The following INPP4B variants were observed in gnomAD, a reference collection of about 807,000 sequenced individuals.
INPP4B encodes inositol polyphosphate-4-phosphatase type II B.
INPP4B carries 55 observed loss-of-function variants against 122.5 expected under a neutral mutation model. The observed-to-expected ratio is 0.45, with a 90% CI of 0.36 to 0.56. The LOEUF (loss-of-function observed/expected upper bound fraction) is 0.56. Among genes scored for constraint, INPP4B ranks in the 20% least tolerant of loss-of-function variants. The pLI is 0.00. For missense variants in INPP4B, 1,000 were observed against 1,097.7 expected, an observed-to-expected ratio of 0.91 and a Z score of 1.26; for synonymous variants, 403 against 388.7, an observed-to-expected ratio of 1.04 and a Z score of -0.43.
At chr4:142,740,236 TAAAC>T (rs1166129548) in intron 1 of INPP4B, among the ~76,000 whole-genome samples, 1 of 151,826 alleles carries the variant, frequency 6.6e-6, no homozygotes, top group African/African-American at 2.4e-5. Context: ...ATTCAAAAAA[TAAAC>T]AATCTAAGCA....
chr4:142,283,300 A>T (rs1478611187), intron 9 of INPP4B, among the ~76,000 whole-genome samples: 1 of 152,220 alleles, frequency 6.6e-6, no homozygotes, highest in African/African-American at 2.4e-5. Context: ...GGCAGCAGGC[A>T]GGAATGAGGA....
intron 25 of INPP4B, among the ~76,000 whole-genome samples, chr4:142,038,693 A>C (rs1455618706): frequency 6.6e-6 from 1 of 152,162 alleles, no homozygotes. Flanking sequence ...AATCCATTGC[A>C]CTGGAGAAGA....
At chr4:142,222,621 A>G (rs1372602898) in intron 12 of INPP4B, among the ~76,000 whole-genome samples, 2 of 152,220 alleles carry the variant, frequency 1.3e-5, no homozygotes, top group Non-Finnish European at 2.9e-5. Context: ...TAATACAAAT[A>G]ACAAAACTGA....
chr4:142,504,170 C>A (rs921396379), intron 2 of INPP4B, among the ~76,000 whole-genome samples: 2 of 151,754 alleles, frequency 1.3e-5, no homozygotes, highest in African/African-American at 4.8e-5. Context: ...CCACAATATG[C>A]AAAATACTAT....
chr4:142,333,058 T>G (rs1345434049), intron 7 of INPP4B, among the ~76,000 whole-genome samples: 3 of 139,358 alleles, frequency 2.2e-5, no homozygotes, highest in Non-Finnish European at 4.7e-5. Context: ...ACCGCAGACA[T>G]GCAATTGCAA....
At chr4:142,097,620 CA>C (rs1782555056) in intron 23 of INPP4B, among the ~76,000 whole-genome samples, 1 of 152,062 alleles carries the variant, frequency 6.6e-6, no homozygotes, top group African/African-American at 2.4e-5. Context: ...GTGATGAGAT[CA>C]TATGGCCCAC....
chr4:142,393,249 A>G (rs1366695991), intron 7 of INPP4B, among the ~76,000 whole-genome samples: 1 of 152,178 alleles, frequency 6.6e-6, no homozygotes, highest in East Asian at 1.9e-4. Flanking sequence ...ATTAAAAAAA[A>G]AAATTATGGG....
chr4:142,489,208 G>C (rs1821561264), intron 2 of INPP4B, among the ~76,000 whole-genome samples: 2 of 152,042 alleles, frequency 1.3e-5, no homozygotes, highest in Non-Finnish European at 2.9e-5. Context: ...CTGGACAGTA[G>C]CTACAGAAAA....
chr4:142,840,040 TTTAA>T (rs2151207642), intron 1 of INPP4B, among the ~76,000 whole-genome samples: 1 of 152,316 alleles, frequency 6.6e-6, no homozygotes, highest in Admixed American at 6.5e-5. Flanking sequence ...TGTCCCATAA[TTTAA>T]TTATTCAGTC....
intron 5 of INPP4B, among the ~76,000 whole-genome samples, chr4:142,416,248 G>A (rs1000750317): frequency 6.6e-6 from 1 of 152,114 alleles, no homozygotes; most frequent in Non-Finnish European, 1.5e-5. Context: ...ACAGTCTTCT[G>A]AGGGAATTTG....
intron 2 of INPP4B, among the ~76,000 whole-genome samples, chr4:142,566,640 C>G (rs1457124735): frequency 6.6e-6 from 1 of 152,176 alleles, no homozygotes; most frequent in African/African-American, 2.4e-5. Context: ...TGATGTGACA[C>G]TTGGTTTACA....
intron 1 of INPP4B, among the ~76,000 whole-genome samples, chr4:142,772,591 C>T (rs1310790764): frequency 6.6e-6 from 1 of 151,926 alleles, no homozygotes; most frequent in East Asian, 1.9e-4. Context: ...CATCACGGCA[C>T]AAGAAGGAAT....
At chr4:142,723,385 G>C (rs1186744042) in intron 2 of INPP4B, among the ~76,000 whole-genome samples, 1 of 152,032 alleles carries the variant, frequency 6.6e-6, no homozygotes, top group Non-Finnish European at 1.5e-5. Context: ...ATCACGGTCT[G>C]TATTTTTACA....
intron 2 of INPP4B, among the ~76,000 whole-genome samples, chr4:142,701,155 A>G (rs1761707995): frequency 6.6e-6 from 1 of 152,172 alleles, no homozygotes; most frequent in Admixed American, 6.5e-5. Flanking sequence ...CTCCTGGAGC[A>G]GCCTCTACTT....
chr4:142,265,703 G>A (rs1415853590), intron 10 of INPP4B, among the ~76,000 whole-genome samples: 2 of 152,192 alleles, frequency 1.3e-5, no homozygotes, highest in African/African-American at 4.8e-5. Flanking sequence ...ACAGGGCAGA[G>A]CTGATGCCAA....
At position 142,268,445 on chromosome 4, in the gene INPP4B, A is replaced by C. The variant is rs562805142; in HGVS notation, c.615+2218T>G. 5.9e-5 allele frequency among the ~76,000 whole-genome samples: 9 copies of C among 151,806 alleles called. No individual in the cohort carries two copies. The South Asian group carries it at 1.9e-3, about 32-fold the overall frequency. On this transcript the variant is annotated intron_variant, in intron 10 of 25. Coordinates refer to ENST00000262992, the MANE Select transcript of INPP4B (RefSeq NM_001101669.3). ...ATTAATACAACCATTATGGAAAACA[A>C]TACGGAGGCTCCTCAGAAAACTAAA...
intron 3 of INPP4B, among the ~76,000 whole-genome samples, chr4:142,450,988 A>C (rs556625014): frequency 6.6e-6 from 1 of 151,144 alleles, no homozygotes; most frequent in South Asian, 2.1e-4. Context: ...CCCCCCCAAA[A>C]AAAGTATAAC....
At chr4:142,461,105 G>A (rs934463357) in intron 3 of INPP4B, among the ~76,000 whole-genome samples, 2 of 152,106 alleles carry the variant, frequency 1.3e-5, no homozygotes, top group Admixed American at 6.6e-5. Context: ...CTGGGAGGTC[G>A]AAGCTGCAGT....
intron 24 of INPP4B, 95 bp from the exon 25 acceptor site, chr4:142,082,280 AT>A: frequency 9.4e-7 from 1 of 1,060,458 alleles, no homozygotes; most frequent in Non-Finnish European, 1.3e-6. Flanking sequence ...CACATCAAAT[AT>A]AAATTTGGGT....
Sources: gnomAD v4.1 joint callset for allele counts (sites outside exome capture counted in the v4.1 genomes callset) on GRCh38, gnomAD v4.1.1 for gene constraint, MANE v1.5 for transcripts, NCBI Gene and HGNC (gene_info 2026-07-23, HGNC 2026-07-21) for gene names.